The following JAKMIP1 variants were observed in gnomAD, a reference collection of about 807,000 sequenced individuals.
JAKMIP1 encodes janus kinase and microtubule-interacting protein 1.
Under a neutral mutation model 113.0 loss-of-function variants are expected in JAKMIP1, and 33 were observed. The ratio of observed to expected loss-of-function variants is 0.29; its 90% CI spans 0.22 to 0.39. JAKMIP1 has a LOEUF of 0.39. Among genes scored for constraint, JAKMIP1 ranks in the 10% least tolerant of loss-of-function variants. JAKMIP1 has a pLI of 1.00. For synonymous variants in JAKMIP1, 480 were observed against 459.9 expected, an observed-to-expected ratio of 1.04 and a Z score of -0.56; for missense variants, 813 against 1,080.5, an observed-to-expected ratio of 0.75 and a Z score of 3.47.
At chr4:6,115,280 C>T (rs916144271) in intron 1 of JAKMIP1, among the ~76,000 whole-genome samples, 37 of 151,986 alleles carry the variant, frequency 2.4e-4, no homozygotes, top group Admixed American at 3.9e-4. Flanking sequence ...CGTGGTGGTG[C>T]GCACCTGTAA....
At position 6,107,859 on chromosome 4, in the gene JAKMIP1, G is replaced by A. The variant is rs559922467; in HGVS notation, c.130-1892C>T. On this transcript the variant is annotated intron_variant, in intron 2 of 20. Coordinates refer to ENST00000409021, the MANE Select transcript of JAKMIP1 (RefSeq NM_001099433.2). Reference sequence around the variant, plus strand: ...TTTCCTCTACTAGGAAACAGGGATGGCAACAGCTGCCCCTCAAAGGCCCGT... The same window carrying A: ...TTTCCTCTACTAGGAAACAGGGATGACAACAGCTGCCCCTCAAAGGCCCGT... Among the ~76,000 whole-genome samples, 98 of 152,294 alleles carry A rather than the reference G, an allele frequency of 6.4e-4. 1 individual carries two copies. Among genetic ancestry groups the A allele is most frequent in the Middle Eastern group, 3.4e-3 (1 of 294 alleles).
chr4:6,104,771 G>T (rs894880929), intron 3 of JAKMIP1, among the ~76,000 whole-genome samples: 1 of 152,176 alleles, frequency 6.6e-6, no homozygotes, highest in Non-Finnish European at 1.5e-5. Flanking sequence ...TGCCTTTCCA[G>T]CTGGGCTCGC....
rs1003458294 is a variant in JAKMIP1 at position 6,086,151 on chromosome 4, C to T, written c.625-522G>A. On this transcript the variant is annotated intron_variant, in intron 3 of 20. Transcript: ENST00000409021. This position sits in a 1 kb window ranked among gnomAD's most constrained non-coding sequence, Gnocchi z 4.1. The stretch of plus-strand genomic sequence containing the variant: ...TTGTCCTCCCGCCCTGACTCCGTCA[C>T]CCACTCCCAGACTCACGACCTCCTG... Among the ~76,000 whole-genome samples the T allele has an allele frequency of 1.6e-4, 24 of 152,154 alleles. No homozygotes were observed. Among genetic ancestry groups the T allele is most frequent in the Admixed American group, 9.2e-4 (14 of 15,280 alleles).
intron 8 of JAKMIP1, among the ~76,000 whole-genome samples, chr4:6,074,003 C>G (rs1256774787): frequency 1.3e-5 from 2 of 152,260 alleles, no homozygotes. Context: ...GTCCCCAGGG[C>G]ACAGTCCGAG....
intron 19 of JAKMIP1, 60 bp downstream of exon 19, chr4:6,035,844 G>A: frequency 5.6e-6 from 8 of 1,416,742 alleles, no homozygotes; most frequent in Non-Finnish European, 7.6e-6. Flanking sequence ...GGGTGCCAAG[G>A]TGCACACAGG....
chr4:6,030,500 C>T (rs1712481352), intron 19 of JAKMIP1, among the ~76,000 whole-genome samples: 1 of 152,162 alleles, frequency 6.6e-6, no homozygotes, highest in South Asian at 2.1e-4. Context: ...CTTCCCATCC[C>T]ACACAGCGTC....
intron 1 of JAKMIP1, among the ~76,000 whole-genome samples, chr4:6,149,014 G>A (rs74689966): frequency 0.017 from 2,573 of 152,222 alleles, 35 homozygotes; most frequent in Non-Finnish European, 0.029. Context: ...GGTTTGCAGG[G>A]GGGTGGCGGG....
At chr4:6,131,620 C>T (rs1168468906) in intron 1 of JAKMIP1, among the ~76,000 whole-genome samples, 1 of 152,166 alleles carries the variant, frequency 6.6e-6, no homozygotes, top group East Asian at 1.9e-4. Flanking sequence ...ATTCCAGCTA[C>T]TCAGGAGGCT....
At position 6,064,663 on chromosome 4, in the gene JAKMIP1, C is replaced by T. The variant is rs1169197201; in HGVS notation, c.1431+217G>A. 6.6e-6 allele frequency among the ~76,000 whole-genome samples: 1 copy of T among 152,054 alleles called. No homozygotes were observed. Among genetic ancestry groups the T allele is most frequent in the Non-Finnish European group, 1.5e-5 (1 of 68,014 alleles). ...AATCAGTGCTGGGGAAAGAAAGGGT[C>T]CCCACGTGCTGCCCTCCCATCGCCA... On this transcript the variant is annotated intron_variant, in intron 9 of 20. Transcript: ENST00000409021. The surrounding 1 kb of genome is among the most constrained non-coding windows in gnomAD (Gnocchi z 4.3).
In JAKMIP1 at chr4:6,153,805, C is replaced by T. The variant is rs3924937; in HGVS notation, c.-147-40808G>A. Among the ~76,000 whole-genome samples, 13,101 of 152,202 alleles carry T rather than the reference C, an allele frequency of 0.086. 679 individuals carry two copies. The highest frequency in any genetic ancestry group is 0.13 in the South Asian group (647 of 4,816). On this transcript the variant is annotated intron_variant, in intron 1 of 20. Coordinates refer to ENST00000409021, the MANE Select transcript of JAKMIP1 (RefSeq NM_001099433.2). The surrounding 1 kb of genome is among the most constrained non-coding windows in gnomAD (Gnocchi z 4.9). ...AACTATAAGATACAGTTATATTTTC[C>T]CTAATGCACACTAAAGTATTATTAA...
At position 6,081,912 on chromosome 4, in the gene JAKMIP1, A is replaced by G. The variant is rs1720615231; in HGVS notation, c.955-157T>C. Among the ~76,000 whole-genome samples, 1 of 152,194 alleles carries G rather than the reference A, an allele frequency of 6.6e-6. No homozygotes were observed. The highest frequency in any genetic ancestry group is 1.5e-5 in the Non-Finnish European group (1 of 68,036). The stretch of plus-strand genomic sequence containing the variant: ...TTTGCTAGTTGCATGACAATGGGCA[A>G]GTTCTCAGCCTCAGTTTCCTCATCT... On this transcript the variant is annotated intron_variant, in intron 5 of 20. Coordinates refer to ENST00000409021, the MANE Select transcript of JAKMIP1 (RefSeq NM_001099433.2). This position sits in a 1 kb window ranked among gnomAD's most constrained non-coding sequence, Gnocchi z 4.6.
Position 6,181,632 on chromosome 4 carries a change from G to A in JAKMIP1, c.-148+18621C>T, listed in dbSNP as rs1182324259. Among the ~76,000 whole-genome samples the A allele has an allele frequency of 6.6e-6, 1 of 152,218 alleles. No homozygotes were observed. Among genetic ancestry groups the A allele is most frequent in the Non-Finnish European group, 1.5e-5 (1 of 68,042 alleles). On this transcript the variant is annotated intron_variant, in intron 1 of 20. Coordinates refer to ENST00000409021, the MANE Select transcript of JAKMIP1 (RefSeq NM_001099433.2). The surrounding 1 kb of genome is among the most constrained non-coding windows in gnomAD (Gnocchi z 5.4). ...TGTGGAAGGGGTGAAATCAGGATAT[G>A]CAGATGGAGGAGCAGGGGTCAAAGA...
intron 1 of JAKMIP1, among the ~76,000 whole-genome samples, chr4:6,128,657 G>A (rs775658738): frequency 3.9e-5 from 6 of 152,124 alleles, no homozygotes; most frequent in Non-Finnish European, 7.4e-5. Flanking sequence ...CATTCCCTCC[G>A]GGGCTCGCTC....
At chr4:6,072,489 AG>A (rs1351816336) in intron 8 of JAKMIP1, among the ~76,000 whole-genome samples, 1 of 152,198 alleles carries the variant, frequency 6.6e-6, no homozygotes, top group African/African-American at 2.4e-5. Context: ...ACCAGGTGAC[AG>A]GGACACTGCT....
chr4:6,113,173 G>T (rs1436318376), intron 1 of JAKMIP1, among the ~76,000 whole-genome samples, 176 bp from the exon 2 acceptor site: 1 of 152,190 alleles, frequency 6.6e-6, no homozygotes, highest in Non-Finnish European at 1.5e-5. Flanking sequence ...GGTTGTTAAG[G>T]CGTGGAGTCC....
At chr4:6,152,823 T>C (rs1262937429) in intron 1 of JAKMIP1, among the ~76,000 whole-genome samples, 2 of 145,386 alleles carry the variant, frequency 1.4e-5, no homozygotes, top group Non-Finnish European at 3.0e-5. Flanking sequence ...TATATATATA[T>C]AGCTGGGCAT....
Position 6,199,679 on chromosome 4 carries a change from G to A in JAKMIP1, c.-148+574C>T, listed in dbSNP as rs1728233671. Among the ~76,000 whole-genome samples the A allele has an allele frequency of 6.6e-6, 1 of 151,648 alleles. No individual in the cohort carries two copies. Among genetic ancestry groups the A allele is most frequent in the African/African-American group, 2.4e-5 (1 of 41,372 alleles). The stretch of plus-strand genomic sequence containing the variant: ...TGTGCGTGGCAGGGGCCGCGGCGGC[G>A]TGTGCCGTGCGTGGGGTGGGGTGCG... On this transcript the variant is annotated intron_variant, in intron 1 of 20. Transcript: ENST00000409021. The surrounding 1 kb of genome is among the most constrained non-coding windows in gnomAD (Gnocchi z 5.6).
chr4:6,112,396 C>A (rs1715078091), intron 2 of JAKMIP1, among the ~76,000 whole-genome samples: 1 of 152,218 alleles, frequency 6.6e-6, no homozygotes, highest in Non-Finnish European at 1.5e-5. Flanking sequence ...ACTGCCCCAT[C>A]CTCGAATCGT....
chr4:6,061,987 G>A lies in JAKMIP1; in HGVS notation c.1560+325C>T, dbSNP rs2108785778. On this transcript the variant is annotated intron_variant, in intron 10 of 20. Transcript: ENST00000409021. The surrounding 1 kb of genome is among the most constrained non-coding windows in gnomAD (Gnocchi z 5.3). ...GGCTGGCAGCCCTGGAGGGAGCGGA[G>A]CCTGAAGCCTGCAAGCCAGCCAAGT... 6.6e-6 allele frequency among the ~76,000 whole-genome samples: 1 copy of A among 152,328 alleles called. No individual in the cohort carries two copies.
Sources: allele counts gnomAD v4.1 joint callset (sites outside exome capture counted in the v4.1 genomes callset), GRCh38; gene constraint gnomAD v4.1.1; non-coding constraint Gnocchi (gnomAD v3.1); transcripts MANE v1.5; gene names NCBI Gene and HGNC (gene_info 2026-07-23, HGNC 2026-07-21).